Variants in NFIC observed in about 807,000 individuals in gnomAD.
NFIC encodes nuclear factor I C.
NFIC carries 12 observed loss-of-function variants against 54.4 expected under a neutral mutation model. The observed-to-expected ratio is 0.22, with a 90% confidence interval of 0.14 to 0.36. The LOEUF is 0.36. Ranked by LOEUF, NFIC falls within the 10% of genes least tolerant of loss-of-function variation. The pLI is 1.00. For synonymous variants in NFIC, 322 were observed against 319.2 expected (o/e 1.01, Z -0.09); for missense variants, 575 against 718.2 (o/e 0.80, Z 2.28).
chr19:3,452,443 G>C lies in NFIC; in HGVS notation c.1085-39G>C. The stretch of plus-strand genomic sequence containing the variant: ...ACACGGTCACAGAGCAGACCGGCTG[G>C]AGCCCCCAAGTAACCCCCGCTTCCC... On this transcript the variant is annotated intron_variant, in intron 7 of 10. Coordinates refer to ENST00000443272, the MANE Select transcript of NFIC (RefSeq NM_001245002.2). This position sits in a 1 kb window ranked among gnomAD's most constrained non-coding sequence, Gnocchi z 5.3. The C allele has an allele frequency of 6.2e-7, 1 of 1,604,462 alleles. No homozygotes were observed. The highest frequency in any genetic ancestry group is 8.5e-7 in the Non-Finnish European group (1 of 1,178,096).
intron 7 of NFIC, among the ~76,000 whole-genome samples, chr19:3,450,668 A>G (rs894121246): frequency 6.6e-6 from 1 of 152,190 alleles, no homozygotes; most frequent in Non-Finnish European, 1.5e-5. Flanking sequence ...AAAAAACAAA[A>G]CAGAACAAAC....
At chr19:3,429,714 C>T (rs1299273737) in intron 3 of NFIC, among the ~76,000 whole-genome samples, 2 of 152,184 alleles carry the variant, frequency 1.3e-5, no homozygotes, top group African/African-American at 2.4e-5. Flanking sequence ...GCTCCCACCG[C>T]CACCCAAAAG....
intron 2 of NFIC, among the ~76,000 whole-genome samples, chr19:3,398,910 G>C (rs7246450): frequency 6.6e-6 from 1 of 152,226 alleles, no homozygotes; most frequent in Non-Finnish European, 1.5e-5. Context: ...TGCGGACTCC[G>C]CCCTCAGCAA....
rs2082601366 is a variant in NFIC at position 3,458,998 on chromosome 19, C to G, written c.1509+2363C>G. Among the ~76,000 whole-genome samples, 1 of 152,094 alleles carries G rather than the reference C, an allele frequency of 6.6e-6. No individual in the cohort carries two copies. The highest frequency in any genetic ancestry group is 2.4e-5 in the African/African-American group (1 of 41,404). ...CCTGGGTTGAGGCCGGGCGCCGCCA[C>G]CTCCCTGCAGACCCCGGAGAGAGGG... On this transcript the variant is annotated intron_variant, in intron 10 of 10. Transcript: ENST00000443272. The surrounding 1 kb of genome is among the most constrained non-coding windows in gnomAD (Gnocchi z 4.1).
chr19:3,392,125 G>A (rs1272369845), intron 2 of NFIC, among the ~76,000 whole-genome samples: 1 of 142,928 alleles, frequency 7.0e-6, no homozygotes, highest in Non-Finnish European at 1.5e-5. Context: ...AGGCAGGAGT[G>A]CAGTGGTGTG....
At position 3,467,538 on chromosome 19, in the gene NFIC, C is replaced by T. The variant is rs1213067672; in HGVS notation, c.*4769C>T. ...GCCAGACCTGGGTCCCCCTGCAGGTCCCCAGGCAGCAGACAATTCCACCTT... is the reference window on the plus strand; with the variant it reads ...GCCAGACCTGGGTCCCCCTGCAGGTTCCCAGGCAGCAGACAATTCCACCTT... On this transcript the variant is annotated 3_prime_UTR_variant, in exon 11 of 11. Transcript: ENST00000443272. 1 of 151,228 alleles carries T rather than the reference C, an allele frequency of 6.6e-6. No individual in the cohort carries two copies. The highest frequency in any genetic ancestry group is 1.5e-5 in the Non-Finnish European group (1 of 67,902). 9.4% of individuals were successfully genotyped at this position (151,228 alleles called of 1,614,324 possible).
chr19:3,412,051 G>A (rs193211889), intron 2 of NFIC, among the ~76,000 whole-genome samples: 2 of 152,296 alleles, frequency 1.3e-5, no homozygotes, highest in East Asian at 1.9e-4. Flanking sequence ...AATCGACATC[G>A]TATACAATTG....
intron 2 of NFIC, among the ~76,000 whole-genome samples, chr19:3,420,621 A>G (rs1396121260): frequency 6.6e-6 from 1 of 151,964 alleles, no homozygotes; most frequent in African/African-American, 2.4e-5. Flanking sequence ...GACAGTACCA[A>G]TAGCGATATT....
intron 1 of NFIC, among the ~76,000 whole-genome samples, chr19:3,361,441 C>G (rs761220847): frequency 6.6e-6 from 1 of 152,128 alleles, no homozygotes; most frequent in African/African-American, 2.4e-5. Context: ...GACCAGAGGC[C>G]GTGGGCACAG....
chr19:3,453,943 G>T lies in NFIC; in HGVS notation c.1423+27G>T. 1 of 1,502,494 alleles carries T rather than the reference G, an allele frequency of 6.7e-7. No homozygotes were observed. The allele number at this position is 1,502,494 out of a possible 1,614,324, so 93.1% of individuals were successfully genotyped here. A position where few individuals can be genotyped will look rare whatever the true frequency, so the allele number is the denominator to read the frequency against. On this transcript the variant is annotated intron_variant, in intron 9 of 10. Transcript: ENST00000443272. The surrounding 1 kb of genome is among the most constrained non-coding windows in gnomAD (Gnocchi z 6.7). ...TAAGCACGCGGGAAGCGGTGCCCTGGTGGGGCGGATGTCCGCAGGGGGGCC... is the reference window on the plus strand; with the variant it reads ...TAAGCACGCGGGAAGCGGTGCCCTGTTGGGGCGGATGTCCGCAGGGGGGCC...
rs371712080 is a variant in NFIC, at chr19:3,370,718, T to A, written c.30+4052T>A. Among the ~76,000 whole-genome samples the A allele has an allele frequency of 5.4e-5, 8 of 147,124 alleles. No homozygotes were observed. Among genetic ancestry groups the A allele is most frequent in the African/African-American group, 2.0e-4 (8 of 39,074 alleles). On this transcript the variant is annotated intron_variant, in intron 1 of 10. Transcript: ENST00000443272. The surrounding 1 kb of genome is among the most constrained non-coding windows in gnomAD (Gnocchi z 5.2). ...TCTGTCTCTTTCTTTCTCCCTCCCT[T>A]CCTCTCTCTCTGTTCCTCCTCTTCT...
chr19:3,451,028 G>C (rs2082454804), intron 7 of NFIC, among the ~76,000 whole-genome samples: 1 of 152,194 alleles, frequency 6.6e-6, no homozygotes, highest in South Asian at 2.1e-4. Flanking sequence ...CAGAGGCTGT[G>C]GAGATGAGGG....
chr19:3,372,082 G>A lies in NFIC; in HGVS notation c.30+5416G>A, dbSNP rs923683873. On this transcript the variant is annotated intron_variant, in intron 1 of 10. Transcript: ENST00000443272. ...GTCGCCCAGGCTGGAGTGCAGTGGCGTGATCTCAGCTCACTGCAACCTCCG... is the reference window on the plus strand; with the variant it reads ...GTCGCCCAGGCTGGAGTGCAGTGGCATGATCTCAGCTCACTGCAACCTCCG... Among the ~76,000 whole-genome samples the A allele has an allele frequency of 6.3e-5, 9 of 143,802 alleles. No individual in the cohort carries two copies. The East Asian group carries it at 6.6e-4, about 10-fold the overall frequency. The allele number at this position is 143,802 out of a possible 152,430, so 94.3% of individuals were successfully genotyped here.
chr19:3,456,864 T>C, intron 10 of NFIC: 1 of 579,152 alleles, frequency 1.7e-6, no homozygotes, highest in Non-Finnish European at 3.1e-6. Flanking sequence ...AGACTCAGCC[T>C]GTGGGGTCCC....
At position 3,458,468 on chromosome 19, in the gene NFIC, C is replaced by T. The variant is rs943481157; in HGVS notation, c.1509+1833C>T. Among the ~76,000 whole-genome samples, 3 of 152,148 alleles carry T rather than the reference C, an allele frequency of 2.0e-5. No homozygotes were observed. Among genetic ancestry groups the T allele is most frequent in the African/African-American group, 7.2e-5 (3 of 41,438 alleles). On this transcript the variant is annotated intron_variant, in intron 10 of 10. Coordinates refer to ENST00000443272, the MANE Select transcript of NFIC (RefSeq NM_001245002.2). The surrounding 1 kb of genome is among the most constrained non-coding windows in gnomAD (Gnocchi z 4.1). ...GGCCCTCCCGCCAGGGCCCGGGACC[C>T]TTCTCTCAGACTGTGCTGGCTCCAG... is the stretch of plus-strand genomic sequence containing the variant.
upstream of NFIC, among the ~76,000 whole-genome samples, chr19:3,364,388 C>G (rs2080855586): frequency 6.6e-6 from 1 of 152,152 alleles, no homozygotes; most frequent in Non-Finnish European, 1.5e-5. Flanking sequence ...AGCCGAGGTG[C>G]AGAGAGACGA....
intron 9 of NFIC, among the ~76,000 whole-genome samples, 166 bp from the exon 10 acceptor site, chr19:3,456,384 G>A (rs2082555768): frequency 6.6e-6 from 1 of 152,172 alleles, no homozygotes; most frequent in Non-Finnish European, 1.5e-5. Context: ...CTTTCAGGGG[G>A]GCCCGGTTCA....
intron 7 of NFIC, among the ~76,000 whole-genome samples, chr19:3,451,703 A>G (rs77490233): frequency 0.076 from 11,549 of 151,420 alleles, 1,396 homozygotes; most frequent in African/African-American, 0.26. Flanking sequence ...TTTATAGTGT[A>G]GACTGTGGGG....
intron 9 of NFIC, among the ~76,000 whole-genome samples, chr19:3,456,132 C>T (rs575456292): frequency 3.9e-5 from 6 of 152,260 alleles, no homozygotes; most frequent in East Asian, 1.9e-4. Flanking sequence ...CTCCCTCTGC[C>T]CTCTCCGGGA....
Sources: allele counts gnomAD v4.1 joint callset (sites outside exome capture counted in the v4.1 genomes callset), GRCh38; gene constraint gnomAD v4.1.1; non-coding constraint Gnocchi (gnomAD v3.1); transcripts MANE v1.5; gene names NCBI Gene and HGNC (gene_info 2026-07-23, HGNC 2026-07-21).